The following NRXN3 variants were observed in gnomAD, a reference collection of about 807,000 sequenced individuals.
The protein encoded by NRXN3 is neurexin 3.
Under a neutral mutation model 137.6 loss-of-function variants are expected in NRXN3, and 32 were observed. The observed-to-expected ratio is 0.23, with a 90% CI of 0.18 to 0.31. The LOEUF is 0.31. Ranked by LOEUF, NRXN3 falls within the 10% of genes least tolerant of loss-of-function variation. The pLI is 1.00. For missense variants in NRXN3, 1,574 were observed against 2,062.5 expected (o/e 0.76, Z 4.59); for synonymous variants, 798 against 784.5 (o/e 1.02, Z -0.29).
rs2097883666 is a variant in NRXN3, at chr14:78,666,079, T to A, written c.1221+14753T>A. Among the ~76,000 whole-genome samples, 3 of 152,156 alleles carry A rather than the reference T, an allele frequency of 2.0e-5. No homozygotes were observed. In the South Asian group the frequency reaches 6.2e-4, roughly 32 times the overall value. On this transcript the variant is annotated intron_variant, in intron 6 of 20. Transcript: ENST00000335750. ...TATTCTCATTCTTTCTTGCAGTATA[T>A]ATCTATATATTTTTTCTTTTAAAAA...
At chr14:78,498,988 C>T (rs2095837978) in intron 4 of NRXN3, among the ~76,000 whole-genome samples, 1 of 151,900 alleles carries the variant, frequency 6.6e-6, no homozygotes, top group African/African-American at 2.4e-5. Context: ...CTTCTCTGTA[C>T]CTTAGTTTTA....
chr14:78,838,278 G>T (rs1448744499), intron 10 of NRXN3, among the ~76,000 whole-genome samples: 3 of 152,044 alleles, frequency 2.0e-5, no homozygotes, highest in African/African-American at 4.8e-5. Context: ...TTAAATCTAT[G>T]ATAAGATTAA....
Position 79,851,381 on chromosome 14 carries a change from T to G in NRXN3, c.4094-9961T>G, listed in dbSNP as rs570652867. ...ATTATTAATTTTTTTTTCCTCCATCTAAAACTTTCCAGCTGCTCTTTGTGA... is the reference window on the plus strand; with the variant it reads ...ATTATTAATTTTTTTTTCCTCCATCGAAAACTTTCCAGCTGCTCTTTGTGA... On this transcript the variant is annotated intron_variant, in intron 20 of 20. Transcript: ENST00000335750. Among the ~76,000 whole-genome samples, 18 of 152,240 alleles carry G rather than the reference T, an allele frequency of 1.2e-4. 1 individual carries two copies. Among genetic ancestry groups the G allele is most frequent in the South Asian group, 6.2e-4 (3 of 4,832 alleles).
intron 1 of NRXN3, among the ~76,000 whole-genome samples, chr14:78,223,461 C>G (rs2064094772): frequency 6.6e-6 from 1 of 152,118 alleles, no homozygotes; most frequent in Non-Finnish European, 1.5e-5. Flanking sequence ...TCCCACCCTC[C>G]TAGATGTGCT....
chr14:79,321,138 C>T (rs1382487614), intron 15 of NRXN3, among the ~76,000 whole-genome samples: 3 of 151,886 alleles, frequency 2.0e-5, no homozygotes, highest in East Asian at 3.9e-4. Flanking sequence ...TTGTAGTTCC[C>T]TGAATTGCTT....
chr14:78,190,652 T>C (rs10149234), intron 1 of NRXN3, among the ~76,000 whole-genome samples: 14,596 of 66,168 alleles, frequency 0.22, 257 homozygotes, highest in Middle Eastern at 0.27. Context: ...TATTTATTTA[T>C]TTACTTACTT....
At chr14:79,438,298 T>C (rs1396753533) in intron 15 of NRXN3, among the ~76,000 whole-genome samples, 2 of 152,200 alleles carry the variant, frequency 1.3e-5, no homozygotes, top group Non-Finnish European at 2.9e-5. Flanking sequence ...ATTCTCTATC[T>C]AGGTATCCTG....
chr14:78,541,368 C>T (rs552652705), intron 4 of NRXN3, among the ~76,000 whole-genome samples: 1 of 152,196 alleles, frequency 6.6e-6, no homozygotes, highest in South Asian at 2.1e-4. Context: ...TTAATTTGAT[C>T]TTCAATCACT....
intron 10 of NRXN3, among the ~76,000 whole-genome samples, chr14:78,853,427 G>A (rs31356): frequency 0.28 from 42,551 of 151,970 alleles, 9,894 homozygotes; most frequent in African/African-American, 0.63. Context: ...CAGGTTTGTT[G>A]CATAGCTAAA....
At chr14:79,449,921 G>T (rs1486188490) in intron 15 of NRXN3, among the ~76,000 whole-genome samples, 1 of 150,212 alleles carries the variant, frequency 6.7e-6, no homozygotes, top group Admixed American at 6.6e-5. Flanking sequence ...AACCTGGGAG[G>T]TGGAGGTTGC....
intron 15 of NRXN3, among the ~76,000 whole-genome samples, chr14:79,116,128 G>A (rs954703205): frequency 6.6e-6 from 1 of 152,142 alleles, no homozygotes; most frequent in Non-Finnish European, 1.5e-5. Flanking sequence ...GTGGGGACAT[G>A]GTTCTCAGAA....
At chr14:78,823,250 C>T (rs966771368) in intron 10 of NRXN3, among the ~76,000 whole-genome samples, 1 of 152,166 alleles carries the variant, frequency 6.6e-6, no homozygotes, top group South Asian at 2.1e-4. Flanking sequence ...CTGGTACTCT[C>T]TGTCTCTTAT....
chr14:78,931,264 G>A (rs927925494), intron 10 of NRXN3, among the ~76,000 whole-genome samples: 1 of 152,104 alleles, frequency 6.6e-6, no homozygotes, highest in African/African-American at 2.4e-5. Context: ...ATATAGCATG[G>A]GATTTGGGGA....
intron 16 of NRXN3, among the ~76,000 whole-genome samples, chr14:79,543,562 G>T (rs1249238107): frequency 6.6e-6 from 1 of 152,192 alleles, no homozygotes; most frequent in Non-Finnish European, 1.5e-5. Flanking sequence ...GTTGGTTGTG[G>T]CCACAGCATG....
chr14:79,327,861 G>A (rs973034647), intron 15 of NRXN3, among the ~76,000 whole-genome samples: 12 of 152,264 alleles, frequency 7.9e-5, no homozygotes, highest in African/African-American at 2.2e-4. Context: ...TGTCTTATCC[G>A]TTCTTTGATG....
chr14:78,651,089 A>G (rs2097737497), intron 5 of NRXN3, 76 bp from the exon 6 acceptor site: 1 of 1,315,618 alleles, frequency 7.6e-7, no homozygotes, highest in East Asian at 2.3e-5. Context: ...TGCCACAAGT[A>G]GGGGAAGCCA....
intron 15 of NRXN3, among the ~76,000 whole-genome samples, chr14:78,997,841 T>A (rs1305267403): frequency 1.3e-5 from 2 of 152,242 alleles, no homozygotes; most frequent in Non-Finnish European, 2.9e-5. Flanking sequence ...TGAATTTGTA[T>A]CAGCATTTGT....
At chr14:79,434,786 C>T (rs753282304) in intron 15 of NRXN3, among the ~76,000 whole-genome samples, 10 of 152,118 alleles carry the variant, frequency 6.6e-5, no homozygotes, top group African/African-American at 1.9e-4. Flanking sequence ...GATGCAAGTG[C>T]GGCTAAAGCC....
chr14:79,485,502 G>A (rs907576463), intron 16 of NRXN3, among the ~76,000 whole-genome samples: 2 of 152,066 alleles, frequency 1.3e-5, no homozygotes, highest in Non-Finnish European at 2.9e-5. Flanking sequence ...AAGGCCCCTG[G>A]AGTCACTGCT....
Sources: gnomAD v4.1 joint callset for allele counts (sites outside exome capture counted in the v4.1 genomes callset) on GRCh38, gnomAD v4.1.1 for gene constraint, MANE v1.5 for transcripts, NCBI Gene and HGNC (gene_info 2026-07-23, HGNC 2026-07-21) for gene names.